MAP3K21: variants seen among roughly 807,000 people sequenced by gnomAD.
The protein encoded by MAP3K21 is mitogen-activated protein kinase kinase kinase 21.
MAP3K21 carries 63 observed loss-of-function variants against 86.1 expected under a neutral mutation model. That is an observed-to-expected ratio of 0.73 (90% CI 0.60 to 0.90). The LOEUF (loss-of-function observed/expected upper bound fraction) is 0.90. Among genes scored for constraint, MAP3K21 ranks in the 40% least tolerant of loss-of-function variants. The pLI is 0.00. For synonymous variants in MAP3K21, 558 were observed against 564.8 expected, an observed-to-expected ratio of 0.99 and a Z score of 0.17; for missense variants, 1,220 against 1,367.7, an observed-to-expected ratio of 0.89 and a Z score of 1.70.
chr1:233,383,450 G>T lies in MAP3K21; in HGVS notation c.*739G>T, dbSNP rs1663957711. On this transcript the variant is annotated 3_prime_UTR_variant, in exon 10 of 10. Transcript: ENST00000366624. ...TAGAACTCCAAAATAGATGTTCAAA[G>T]TTCAGTCCTTGCCATTTGACTGAGA... is the stretch of plus-strand genomic sequence containing the variant. 1 of 151,608 alleles carries T rather than the reference G, an allele frequency of 6.6e-6. No homozygotes were observed. Among genetic ancestry groups the T allele is most frequent in the African/African-American group, 2.4e-5 (1 of 41,208 alleles). The allele number at this position is 151,608 out of a possible 1,614,324, so 9.4% of individuals were successfully genotyped here.
chr1:233,350,692 G>C (rs558077134), intron 2 of MAP3K21, among the ~76,000 whole-genome samples: 1 of 152,182 alleles, frequency 6.6e-6, no homozygotes, highest in South Asian at 2.1e-4. Flanking sequence ...TGGTTTTGCA[G>C]GTTAAGTAGC....
intron 4 of MAP3K21, among the ~76,000 whole-genome samples, chr1:233,359,755 G>A (rs1227733000): frequency 6.6e-6 from 1 of 152,224 alleles, no homozygotes; most frequent in African/African-American, 2.4e-5. Context: ...CCTGTGCCAA[G>A]CAATTCAACA....
At chr1:233,335,680 A>C (rs905421307) in intron 1 of MAP3K21, among the ~76,000 whole-genome samples, 1 of 152,216 alleles carries the variant, frequency 6.6e-6, no homozygotes, top group Non-Finnish European at 1.5e-5. Flanking sequence ...AACAGTTCTC[A>C]AATATTTGCT....
At chr1:233,358,541 A>G (rs563573088) in intron 4 of MAP3K21, among the ~76,000 whole-genome samples, 3 of 151,442 alleles carry the variant, frequency 2.0e-5, no homozygotes, top group African/African-American at 4.8e-5. Flanking sequence ...TTAATTACAA[A>G]AATGAAAAAG....
chr1:233,345,483 C>T (rs899072216), intron 1 of MAP3K21, among the ~76,000 whole-genome samples: 20 of 149,342 alleles, frequency 1.3e-4, no homozygotes, highest in Non-Finnish European at 8.9e-5. Flanking sequence ...GTCACAAGGA[C>T]AGAAAACCAA....
Position 233,384,429 on chromosome 1 carries a change from G to C in MAP3K21, c.*1718G>C, listed in dbSNP as rs1312265574. ...AATACGTTTTCTTGTTTTATCATCTGTTCTATGATTCGGCTTCACTTTGTG... is the reference window on the plus strand; with the variant it reads ...AATACGTTTTCTTGTTTTATCATCTCTTCTATGATTCGGCTTCACTTTGTG... On this transcript the variant is annotated 3_prime_UTR_variant, in exon 10 of 10. Coordinates refer to ENST00000366624, the MANE Select transcript of MAP3K21 (RefSeq NM_032435.3). 1 of 152,140 alleles carries C rather than the reference G, an allele frequency of 6.6e-6. No homozygotes were observed. The highest frequency in any genetic ancestry group is 6.5e-5 in the Admixed American group (1 of 15,272). 9.4% of individuals were successfully genotyped at this position (152,140 alleles called of 1,614,324 possible).
In MAP3K21 at chr1:233,383,113, T is replaced by C. The variant is rs557494564; in HGVS notation, c.*402T>C. 1 of 154,416 alleles carries C rather than the reference T, an allele frequency of 6.5e-6. No individual in the cohort carries two copies. The highest frequency in any genetic ancestry group is 2.4e-5 in the African/African-American group (1 of 41,624). The allele number at this position is 154,416 out of a possible 1,614,324, so 9.6% of individuals were successfully genotyped here. A position where few individuals can be genotyped will look rare whatever the true frequency, so the allele number is the denominator to read the frequency against. On this transcript the variant is annotated 3_prime_UTR_variant, in exon 10 of 10. Transcript: ENST00000366624. ...TTTTTCTTTTTTCCTTTCTTTCCTT[T>C]TTCTTGTCTTGTTTCTTGTTTTTTT...
chr1:233,370,231 A>G (rs925647398), intron 5 of MAP3K21, among the ~76,000 whole-genome samples: 7 of 152,176 alleles, frequency 4.6e-5, no homozygotes, highest in Non-Finnish European at 7.4e-5. Flanking sequence ...ACTTCTTTGC[A>G]CTGAATTTTT....
intron 1 of MAP3K21, among the ~76,000 whole-genome samples, chr1:233,329,911 G>A (rs1211486142): frequency 1.3e-5 from 2 of 152,188 alleles, no homozygotes; most frequent in Non-Finnish European, 2.9e-5. Context: ...AAACTTTGCT[G>A]TATAAAAGAG....
At chr1:233,368,961 C>T (rs75933745) in intron 5 of MAP3K21, among the ~76,000 whole-genome samples, 3,068 of 152,280 alleles carry the variant, frequency 0.02, 109 homozygotes, top group African/African-American at 0.07. Flanking sequence ...GTGCAAGGCA[C>T]TGTGCCAGTC....
In MAP3K21 at chr1:233,328,143, G is replaced by A; in HGVS notation, c.115G>A (p.Gly39Ser). Residue 39 changes from glycine (G) to serine (S), a missense_variant, in exon 1 of 10, where the codon GGC becomes AGC. Physicochemically the swap from Gly to Ser is moderately conservative, Grantham distance 56 (BLOSUM62 0). Around this residue, in one of 5 missense-constraint regions of MAP3K21, gnomAD observed 369 missense variants for 385.3 expected, o/e 0.96. Coordinates refer to ENST00000366624, the MANE Select transcript of MAP3K21 (RefSeq NM_032435.3). This position sits in a 1 kb window ranked among gnomAD's most constrained non-coding sequence, Gnocchi z 8.7. The stretch of plus-strand genomic sequence containing the variant: ...CTCCTCGGGCGGCTCGGCCTCGGCG[G>A]GCGCGGGGCTGTGGGCCGCGCTCTA... ...STSSGGSASA[G>S]AGLWAALYDY... The A allele has an allele frequency of 7.0e-7, 1 of 1,429,108 alleles. No individual in the cohort carries two copies. Among genetic ancestry groups the A allele is most frequent in the Non-Finnish European group, 9.1e-7 (1 of 1,097,018 alleles). The allele number at this position is 1,429,108 out of a possible 1,614,324, so 88.5% of individuals were successfully genotyped here.
chr1:233,374,380 TGGCCA>T (rs67151691), intron 6 of MAP3K21, among the ~76,000 whole-genome samples: 1,614 of 152,262 alleles, frequency 0.011, 26 homozygotes, highest in African/African-American at 0.036. Context: ...TTCACCACCT[TGGCCA>T]GGCTGGTCTT....
chr1:233,374,982 C>T (rs867466227), intron 6 of MAP3K21, among the ~76,000 whole-genome samples: 26 of 151,704 alleles, frequency 1.7e-4, no homozygotes, highest in African/African-American at 5.8e-4. Flanking sequence ...TGCACTGTCA[C>T]CTGGGCTGGA....
intron 1 of MAP3K21, among the ~76,000 whole-genome samples, chr1:233,330,956 G>C (rs12753814): frequency 0.25 from 37,141 of 151,420 alleles, 5,278 homozygotes; most frequent in East Asian, 0.42. Context: ...GTTTTATAAA[G>C]TTTTATAAAC....
intron 1 of MAP3K21, among the ~76,000 whole-genome samples, chr1:233,331,030 G>A (rs1429162502): frequency 1.3e-5 from 2 of 152,020 alleles, no homozygotes; most frequent in African/African-American, 4.8e-5. Context: ...GAAATAACAT[G>A]ACCCTGGAAT....
In MAP3K21 at chr1:233,375,715, C is replaced by A. The variant is rs568257199; in HGVS notation, c.1676-201C>A. 437 of 524,524 alleles carry A rather than the reference C, an allele frequency of 8.3e-4. 2 individuals carry two copies. Among genetic ancestry groups the A allele is most frequent in the Non-Finnish European group, 1.3e-3 (405 of 300,816 alleles). The allele number at this position is 524,524 out of a possible 1,614,324, so 32.5% of individuals were successfully genotyped here. A position where few individuals can be genotyped will look rare whatever the true frequency, so the allele number is the denominator to read the frequency against. ...CTCGAATTTGTATCTTTTCTGTTAA[C>A]TTACTCCATTTTTCTTGATGTTTTT... On this transcript the variant is annotated intron_variant, in intron 6 of 9. Coordinates refer to ENST00000366624, the MANE Select transcript of MAP3K21 (RefSeq NM_032435.3).
intron 1 of MAP3K21, among the ~76,000 whole-genome samples, chr1:233,330,897 A>G (rs12023241): frequency 0.25 from 37,540 of 152,112 alleles, 4,741 homozygotes; most frequent in Admixed American, 0.34. Context: ...GGATTTATGG[A>G]TCAATCAACA....
intron 4 of MAP3K21, among the ~76,000 whole-genome samples, chr1:233,355,221 G>A (rs1663330085): frequency 1.4e-5 from 2 of 139,242 alleles, no homozygotes; most frequent in South Asian, 4.8e-4. Flanking sequence ...TTTATTAGAG[G>A]AATTTTCAAA....
At chr1:233,337,469 T>TTG (rs1209430583) in intron 1 of MAP3K21, among the ~76,000 whole-genome samples, 1 of 152,164 alleles carries the variant, frequency 6.6e-6, no homozygotes, top group Non-Finnish European at 1.5e-5. Flanking sequence ...TTTCCTAATG[T>TTG]TGTGTGTGTG....
Sources: gnomAD v4.1 joint callset for allele counts (sites outside exome capture counted in the v4.1 genomes callset) on GRCh38, gnomAD v4.1.1 for gene constraint, gnomAD v4.1.1 regional missense constraint, Gnocchi (gnomAD v3.1) non-coding constraint, MANE v1.5 for transcripts, NCBI Gene and HGNC (gene_info 2026-07-23, HGNC 2026-07-21) for gene names.